Variants in SPDYA observed in about 807,000 individuals in gnomAD.
SPDYA encodes the protein speedy protein A.
Under a neutral mutation model 36.7 loss-of-function variants are expected in SPDYA, and 11 were observed. The ratio of observed to expected loss-of-function variants is 0.30; its 90% CI spans 0.19 to 0.50. SPDYA has a LOEUF of 0.50. SPDYA is among the 20% of genes least tolerant of loss of function. SPDYA has a pLI of 0.98. For missense variants in SPDYA, 287 were observed against 370.9 expected (o/e 0.77, Z 1.86); for synonymous variants, 115 against 118.7 (o/e 0.97, Z 0.20).
intron 6 of SPDYA, among the ~76,000 whole-genome samples, chr2:28,837,742 CTTTTTTTTTTTT>C (rs201687264): frequency 7.5e-5 from 10 of 132,626 alleles, no homozygotes; most frequent in Admixed American, 5.2e-4. Context: ...AGAGTCAGTG[CTTTTTTTTTTTT>C]TTTTTTTTTT....
chr2:28,833,961 G>A (rs1478955051), intron 6 of SPDYA, among the ~76,000 whole-genome samples: 5 of 151,956 alleles, frequency 3.3e-5, no homozygotes, highest in Non-Finnish European at 5.9e-5. Context: ...TATTTGATAA[G>A]GGTCTTGTAT....
At position 28,810,921 on chromosome 2, in the gene SPDYA, C is replaced by T. The variant is rs1174471316; in HGVS notation, c.-119C>T. 2.6e-5 allele frequency: 4 copies of T among 152,334 alleles called. No individual in the cohort carries two copies. The highest frequency in any genetic ancestry group is 2.0e-4 in the Admixed American group (3 of 15,292). 9.4% of individuals were successfully genotyped at this position (152,334 alleles called of 1,614,324 possible). ...GCCTTGACCGCCGTTGCCCGGCCCT[C>T]TCCCGCGCAGCCCCGGGCTTCCGCA... On this transcript the variant is annotated 5_prime_UTR_variant, in exon 1 of 8. Coordinates refer to ENST00000334056, the MANE Select transcript of SPDYA (RefSeq NM_182756.4).
chr2:28,832,568 G>T (rs549927583), intron 6 of SPDYA, among the ~76,000 whole-genome samples: 6 of 152,116 alleles, frequency 3.9e-5, no homozygotes, highest in African/African-American at 1.4e-4. Flanking sequence ...CAAACTTAAC[G>T]TGCCTAAAAT....
chr2:28,823,745 A>ATATATATAT (rs1491479223), intron 5 of SPDYA, among the ~76,000 whole-genome samples: 318 of 42,662 alleles, frequency 7.5e-3, no homozygotes, highest in Non-Finnish European at 0.01. Flanking sequence ...ATATATATAT[A>ATATATATAT]AAATTTTTTT....
intron 3 of SPDYA, among the ~76,000 whole-genome samples, chr2:28,817,505 G>C (rs950906379): frequency 1.3e-5 from 2 of 149,624 alleles, no homozygotes; most frequent in African/African-American, 2.5e-5. Context: ...AGGTTGCGGT[G>C]AGCCGAGATC....
intron 7 of SPDYA, among the ~76,000 whole-genome samples, chr2:28,846,348 C>T (rs893042116): frequency 2.6e-5 from 4 of 152,108 alleles, no homozygotes; most frequent in African/African-American, 9.7e-5. Context: ...GTGGAGGTTG[C>T]AGTGAGCTGA....
intron 5 of SPDYA, among the ~76,000 whole-genome samples, chr2:28,828,561 T>A (rs1668391932): frequency 6.6e-6 from 1 of 152,230 alleles, no homozygotes; most frequent in African/African-American, 2.4e-5. Context: ...TGGGGTTGAT[T>A]TTGATTAGTC....
intron 6 of SPDYA, among the ~76,000 whole-genome samples, chr2:28,832,839 C>T (rs1173819316): frequency 7.2e-6 from 1 of 138,944 alleles, no homozygotes; most frequent in Non-Finnish European, 1.5e-5. Flanking sequence ...TCTCCCACCC[C>T]CACCTTTTTT....
intron 5 of SPDYA, among the ~76,000 whole-genome samples, chr2:28,823,044 A>G (rs1487845474): frequency 6.6e-6 from 1 of 152,198 alleles, no homozygotes; most frequent in African/African-American, 2.4e-5. Flanking sequence ...GAAATTTTCA[A>G]TTAATATATA....
chr2:28,840,681 T>C (rs1668728685), intron 7 of SPDYA: 3 of 1,304,116 alleles, frequency 2.3e-6, no homozygotes, highest in Non-Finnish European at 2.9e-6. Context: ...ATGTGACCTA[T>C]GTTAAGTTGA....
At position 28,829,194 on chromosome 2, in the gene SPDYA, G is replaced by A. The variant is rs771698422; in HGVS notation, c.427G>A (p.Glu143Lys). Residue 143 changes from glutamate to lysine, a missense_variant, in exon 6 of 8, where the codon GAA becomes AAA. Glu to Lys is a moderately conservative substitution (Grantham distance 56, BLOSUM62 1). Transcript: ENST00000334056. ...AGAAGATGAAGAAGAAACCAAGTAC[G>A]AAATTTTTCCATGGGCTTTAGGGAA... ...VEEDEEETKY[E>K]IFPWALGKNW... The A allele has an allele frequency of 9.9e-6, 16 of 1,613,726 alleles. No individual in the cohort carries two copies. The highest frequency in any genetic ancestry group is 3.3e-5 in the Admixed American group (2 of 59,902).
At chr2:28,821,556 G>A (rs1044372705) in intron 4 of SPDYA, among the ~76,000 whole-genome samples, 1 of 152,118 alleles carries the variant, frequency 6.6e-6, no homozygotes. Context: ...GCAGAAGGGG[G>A]CAGTGTTGGA....
chr2:28,830,306 C>T (rs1227506432), intron 6 of SPDYA, among the ~76,000 whole-genome samples: 1 of 150,646 alleles, frequency 6.6e-6, no homozygotes, highest in African/African-American at 2.4e-5. Flanking sequence ...CGGGTCCACG[C>T]CATTCTCTTG....
chr2:28,827,083 C>T (rs1005888075), intron 5 of SPDYA, among the ~76,000 whole-genome samples: 1 of 151,642 alleles, frequency 6.6e-6, no homozygotes, highest in Admixed American at 6.6e-5. Flanking sequence ...GGACTACTGG[C>T]GCCCGCCACC....
In SPDYA at chr2:28,819,102, A is replaced by G; in HGVS notation, c.290A>G (p.Asp97Gly). The stretch of plus-strand genomic sequence containing the variant: ...ATGGACTGCTGCTGTAAAATTGCAG[A>G]CAAGGTAAATTTGGTAACAGTATAA... Reference protein sequence around the residue: ...LWMDCCCKIADKYLLAMTFVY... With the variant: ...LWMDCCCKIAGKYLLAMTFVY... Residue 97 changes from aspartate (D) to glycine (G), a missense_variant, in exon 4 of 8, where the codon GAC becomes GGC. Asp to Gly is a moderately conservative substitution (Grantham distance 94, BLOSUM62 -1). Coordinates refer to ENST00000334056, the MANE Select transcript of SPDYA (RefSeq NM_182756.4). 1 of 1,611,004 alleles carries G rather than the reference A, an allele frequency of 6.2e-7. No homozygotes were observed. The highest frequency in any genetic ancestry group is 1.1e-5 in the South Asian group (1 of 90,456).
Position 28,850,480 on chromosome 2 carries a change from GAGTT to G in SPDYA, c.*541_*544del, listed in dbSNP as rs1300901715. The stretch of plus-strand genomic sequence containing the variant: ...TTTTTTCACAAAACTGTTAAAATAT[GAGTT>G]ACTCTCTTTATTGTAAGTTTTTTCT... On this transcript the variant is annotated 3_prime_UTR_variant, in exon 8 of 8. Transcript: ENST00000334056. 1.0e-6 allele frequency: 1 copy of G among 971,402 alleles called. No homozygotes were observed. Among genetic ancestry groups the G allele is most frequent in the Non-Finnish European group, 1.5e-6 (1 of 646,920 alleles). The allele number at this position is 971,402 out of a possible 1,614,324, so 60.2% of individuals were successfully genotyped here.
chr2:28,825,397 T>G (rs1384199853), intron 5 of SPDYA, among the ~76,000 whole-genome samples: 1 of 152,212 alleles, frequency 6.6e-6, no homozygotes, highest in Non-Finnish European at 1.5e-5. Context: ...AAGGTTGTAC[T>G]GCATGTTGTA....
rs575711231 is a variant in SPDYA, at chr2:28,825,942, GC to G, written c.381-3204del. Among the ~76,000 whole-genome samples, 204 of 151,620 alleles carry G rather than the reference GC, an allele frequency of 1.3e-3. 1 individual carries two copies. Among genetic ancestry groups the G allele is most frequent in the Non-Finnish European group, 2.4e-3 (160 of 67,930 alleles). On this transcript the variant is annotated intron_variant, in intron 5 of 7. Coordinates refer to ENST00000334056, the MANE Select transcript of SPDYA (RefSeq NM_182756.4). ...TATTTTTTTTTAAAGATGGAGTTTT[GC>G]CATGTTGCCCAGACTGGTCTCAAAC...
intron 3 of SPDYA, among the ~76,000 whole-genome samples, chr2:28,818,003 CAAA>C (rs61620093): frequency 4.2e-5 from 6 of 144,480 alleles, no homozygotes; most frequent in Non-Finnish European, 9.1e-5. Flanking sequence ...CTCTACAATA[CAAA>C]AAAAAAAAAA....
Sources: gnomAD v4.1 joint callset for allele counts (sites outside exome capture counted in the v4.1 genomes callset) on GRCh38, gnomAD v4.1.1 for gene constraint, MANE v1.5 for transcripts, NCBI Gene and HGNC (gene_info 2026-07-23, HGNC 2026-07-21) for gene names.